Variants in LRRC4C observed in about 807,000 individuals in gnomAD.
LRRC4C encodes the protein leucine rich repeat containing 4C.
In LRRC4C, 5 loss-of-function variants were observed where a neutral mutation model predicts 33.6. The ratio of observed to expected loss-of-function variants is 0.15; its 90% CI spans 0.08 to 0.31. The LOEUF (loss-of-function observed/expected upper bound fraction) is 0.31, where lower values mean the gene tolerates loss of function less well. Ranked by LOEUF, LRRC4C falls within the 10% of genes least tolerant of loss-of-function variation. The pLI, the probability that LRRC4C is intolerant of heterozygous loss-of-function variation, is 1.00. For missense variants in LRRC4C, 560 were observed against 796.7 expected (o/e 0.70, Z 3.58); for synonymous variants, 329 against 302.0 (o/e 1.09, Z -0.93).
At chr11:41,164,205 T>A (rs1231037298) in intron 1 of LRRC4C, among the ~76,000 whole-genome samples, 2 of 142,850 alleles carry the variant, frequency 1.4e-5, no homozygotes, top group African/African-American at 2.6e-5. Context: ...TTTTTTTTTT[T>A]ACTTTAAAAT....
intron 1 of LRRC4C, among the ~76,000 whole-genome samples, chr11:41,184,861 G>C (rs1315338490): frequency 1.3e-5 from 2 of 151,580 alleles, no homozygotes; most frequent in African/African-American, 2.4e-5. Context: ...GTTCCACATG[G>C]CTGGGGAGGC....
At chr11:40,764,662 C>A (rs1001240786) in intron 2 of LRRC4C, among the ~76,000 whole-genome samples, 2 of 152,128 alleles carry the variant, frequency 1.3e-5, no homozygotes, top group Non-Finnish European at 2.9e-5. Flanking sequence ...TTGGGTGAGA[C>A]CCAGTGCAGT....
intron 1 of LRRC4C, among the ~76,000 whole-genome samples, chr11:41,010,741 A>T (rs1209376001): frequency 2.6e-5 from 4 of 152,202 alleles, no homozygotes; most frequent in Non-Finnish European, 5.9e-5. Context: ...TGAGTCCTCC[A>T]CTGAGAATCA....
At chr11:41,100,944 G>T (rs1304417679) in intron 1 of LRRC4C, among the ~76,000 whole-genome samples, 1 of 152,090 alleles carries the variant, frequency 6.6e-6, no homozygotes, top group African/African-American at 2.4e-5. Context: ...AATGGAAAAA[G>T]GACTCCTTAT....
At chr11:40,773,667 G>A (rs989557991) in intron 2 of LRRC4C, among the ~76,000 whole-genome samples, 1 of 151,916 alleles carries the variant, frequency 6.6e-6, no homozygotes, top group African/African-American at 2.4e-5. Flanking sequence ...CAATATTGTA[G>A]GGAACATTAT....
chr11:40,812,081 G>A (rs1173154549), intron 2 of LRRC4C, among the ~76,000 whole-genome samples: 3 of 152,084 alleles, frequency 2.0e-5, no homozygotes, highest in Admixed American at 6.6e-5. Context: ...GTACTGCCCA[G>A]TTTAACATGT....
intron 1 of LRRC4C, among the ~76,000 whole-genome samples, chr11:41,186,742 A>T (rs896162131): frequency 3.3e-5 from 5 of 152,192 alleles, no homozygotes; most frequent in African/African-American, 1.2e-4. Flanking sequence ...ATGGAACAAG[A>T]ACATAATTTC....
At chr11:40,673,207 G>C (rs1180461141) in intron 2 of LRRC4C, among the ~76,000 whole-genome samples, 1 of 152,052 alleles carries the variant, frequency 6.6e-6, no homozygotes, top group African/African-American at 2.4e-5. Context: ...TACATAATCA[G>C]CTGAACTTTA....
At chr11:41,441,142 A>C (rs1269442067) in intron 1 of LRRC4C, among the ~76,000 whole-genome samples, 3 of 152,162 alleles carry the variant, frequency 2.0e-5, no homozygotes, top group Non-Finnish European at 2.9e-5. Context: ...ATTTAGACCT[A>C]TATCAGCTGT....
intron 1 of LRRC4C, among the ~76,000 whole-genome samples, chr11:41,023,467 AAT>A (rs1228766867): frequency 2.6e-5 from 4 of 151,844 alleles, no homozygotes; most frequent in Non-Finnish European, 5.9e-5. Context: ...AAAGTTGAAA[AAT>A]GAAATAAAGC....
chr11:41,342,891 A>C (rs959572979), intron 1 of LRRC4C, among the ~76,000 whole-genome samples: 4 of 152,204 alleles, frequency 2.6e-5, no homozygotes, highest in Admixed American at 2.6e-4. Context: ...AGAAGTTCAA[A>C]TCAAAGTGCT....
intron 3 of LRRC4C, among the ~76,000 whole-genome samples, chr11:40,507,772 C>G (rs1347498821): frequency 1.4e-5 from 2 of 146,180 alleles, no homozygotes; most frequent in Admixed American, 7.0e-5. Flanking sequence ...CAAAGTCTCA[C>G]TCTGTTGTGC....
intron 1 of LRRC4C, among the ~76,000 whole-genome samples, chr11:40,948,112 T>G (rs1958494577): frequency 6.6e-6 from 1 of 152,120 alleles, no homozygotes; most frequent in South Asian, 2.1e-4. Context: ...AAAGGAAGCC[T>G]GGATTTTCTC....
chr11:40,910,453 G>A (rs1956618976), intron 2 of LRRC4C, among the ~76,000 whole-genome samples: 1 of 152,198 alleles, frequency 6.6e-6, no homozygotes, highest in African/African-American at 2.4e-5. Flanking sequence ...ATTTAAAAAT[G>A]TAGCTTTAAT....
At chr11:40,741,374 G>T (rs1948150679) in intron 2 of LRRC4C, among the ~76,000 whole-genome samples, 1 of 151,988 alleles carries the variant, frequency 6.6e-6, no homozygotes, top group South Asian at 2.1e-4. Flanking sequence ...AACATATCAA[G>T]ACTTGAAGTC....
intron 3 of LRRC4C, among the ~76,000 whole-genome samples, chr11:40,633,498 C>T (rs1264088362): frequency 6.6e-6 from 1 of 151,442 alleles, no homozygotes; most frequent in African/African-American, 2.4e-5. Context: ...AAGTGATTCT[C>T]CTGCCTCAGC....
intron 2 of LRRC4C, among the ~76,000 whole-genome samples, chr11:40,888,970 T>G (rs1955580412): frequency 6.6e-6 from 1 of 152,144 alleles, no homozygotes; most frequent in Admixed American, 6.6e-5. Context: ...TTAATAAAAC[T>G]ACCAAATATT....
intron 1 of LRRC4C, among the ~76,000 whole-genome samples, chr11:40,993,228 T>A (rs998174748): frequency 6.6e-6 from 1 of 152,194 alleles, no homozygotes; most frequent in Non-Finnish European, 1.5e-5. Context: ...TTTGGAGATA[T>A]CTTTTGTTCT....
intron 1 of LRRC4C, among the ~76,000 whole-genome samples, chr11:41,271,062 GA>G (rs1162912819): frequency 2.0e-5 from 3 of 152,108 alleles, no homozygotes; most frequent in African/African-American, 7.2e-5. Flanking sequence ...TACATCTGCA[GA>G]AATAGTCTTT....
Sources: allele counts gnomAD v4.1 joint callset (sites outside exome capture counted in the v4.1 genomes callset), GRCh38; gene constraint gnomAD v4.1.1; transcripts MANE v1.5; gene names NCBI Gene and HGNC (gene_info 2026-07-23, HGNC 2026-07-21).